NEDD4L: variants seen among roughly 807,000 people sequenced by gnomAD.
NEDD4L encodes E3 ubiquitin-protein ligase NEDD4-like.
In NEDD4L, 54 loss-of-function variants were observed where a neutral mutation model predicts 148.9. That is an observed-to-expected ratio of 0.36 (90% CI 0.29 to 0.45). NEDD4L has a LOEUF of 0.45. Among genes scored for constraint, NEDD4L ranks in the 20% least tolerant of loss-of-function variants. The probability of loss-of-function intolerance (pLI) is 1.00; values close to 1 mark genes in which losing one functional copy is unlikely to be tolerated. For synonymous variants in NEDD4L, 433 were observed against 440.7 expected, an observed-to-expected ratio of 0.98 and a Z score of 0.22; for missense variants, 856 against 1,233.8, an observed-to-expected ratio of 0.69 and a Z score of 4.59.
intron 5 of NEDD4L, among the ~76,000 whole-genome samples, chr18:58,257,515 C>T (rs1363978645): frequency 1.3e-5 from 2 of 152,062 alleles, no homozygotes; most frequent in African/African-American, 2.4e-5. Context: ...GGTCAGATGG[C>T]GTGGCGTGCA....
At chr18:58,052,212 T>C (rs2081904901) in intron 1 of NEDD4L, among the ~76,000 whole-genome samples, 1 of 152,232 alleles carries the variant, frequency 6.6e-6, no homozygotes, top group Admixed American at 6.5e-5. Context: ...TACTGGTGTT[T>C]GATTAGCAGA....
chr18:58,191,110 G>A (rs569038164), intron 2 of NEDD4L, among the ~76,000 whole-genome samples: 2 of 152,232 alleles, frequency 1.3e-5, no homozygotes, highest in South Asian at 4.1e-4. Flanking sequence ...GTGAGACTCT[G>A]TCTCTAAAAG....
intron 1 of NEDD4L, among the ~76,000 whole-genome samples, chr18:58,146,961 C>T (rs1418427143): frequency 1.3e-5 from 2 of 152,054 alleles, no homozygotes; most frequent in Admixed American, 6.6e-5. Context: ...GAGAAGGACA[C>T]GTGGGTAAGG....
chr18:58,059,323 C>T (rs2082222807), intron 1 of NEDD4L, among the ~76,000 whole-genome samples: 1 of 152,224 alleles, frequency 6.6e-6, no homozygotes, highest in South Asian at 2.1e-4. Context: ...CCTCTCTAGG[C>T]CCCAAGAAAG....
At chr18:58,174,791 T>C (rs192250703) in intron 2 of NEDD4L, among the ~76,000 whole-genome samples, 309 of 152,204 alleles carry the variant, frequency 2.0e-3, no homozygotes, top group Admixed American at 3.5e-3. Context: ...ACATTTTTTT[T>C]CCCCAGGTGA....
chr18:58,090,216 C>T (rs989548553), intron 1 of NEDD4L, among the ~76,000 whole-genome samples: 6 of 152,114 alleles, frequency 3.9e-5, no homozygotes, highest in Non-Finnish European at 8.8e-5. Flanking sequence ...TTTGGTGTTA[C>T]GGTCTTGCTT....
intron 1 of NEDD4L, among the ~76,000 whole-genome samples, chr18:58,101,147 A>G (rs17693604): frequency 0.094 from 14,244 of 152,242 alleles, 721 homozygotes; most frequent in Non-Finnish European, 0.11. Context: ...AAGTTTAGCA[A>G]TGGCTTCAAA....
chr18:58,201,539 T>C (rs915682568), intron 2 of NEDD4L, among the ~76,000 whole-genome samples: 2 of 152,172 alleles, frequency 1.3e-5, no homozygotes, highest in Admixed American at 6.5e-5. Context: ...GCATATACCA[T>C]CAGGGATGAC....
intron 1 of NEDD4L, among the ~76,000 whole-genome samples, chr18:58,086,356 G>A (rs2083757947): frequency 6.6e-6 from 1 of 152,240 alleles, no homozygotes; most frequent in African/African-American, 2.4e-5. Context: ...ACTAGCAGTA[G>A]TGGTTCCCTG....
At chr18:58,191,484 G>A (rs1052357328) in intron 2 of NEDD4L, among the ~76,000 whole-genome samples, 24 of 152,112 alleles carry the variant, frequency 1.6e-4, no homozygotes, top group African/African-American at 5.6e-4. Context: ...TATTTATTTG[G>A]GTTTTGCAGG....
intron 5 of NEDD4L, among the ~76,000 whole-genome samples, chr18:58,291,945 G>T (rs1352278388): frequency 6.6e-6 from 1 of 152,082 alleles, no homozygotes; most frequent in East Asian, 1.9e-4. Flanking sequence ...TCTTACCTGG[G>T]ATATCACCAG....
chr18:58,095,697 C>T (rs188185258), intron 1 of NEDD4L, among the ~76,000 whole-genome samples: 7 of 152,342 alleles, frequency 4.6e-5, no homozygotes, highest in Admixed American at 1.3e-4. Flanking sequence ...TAATCATTTC[C>T]ATAGTTTCTT....
At chr18:58,355,275 A>G (rs1568825110) in intron 18 of NEDD4L, among the ~76,000 whole-genome samples, 2 of 152,186 alleles carry the variant, frequency 1.3e-5, no homozygotes, top group Non-Finnish European at 2.9e-5. Flanking sequence ...TTGGTCCGGG[A>G]CCACCAGAGT....
chr18:58,265,334 C>G (rs2050069284), intron 5 of NEDD4L, among the ~76,000 whole-genome samples: 1 of 152,054 alleles, frequency 6.6e-6, no homozygotes, highest in Non-Finnish European at 1.5e-5. Context: ...CAATTCCTCT[C>G]TTTTCCATCA....
intron 10 of NEDD4L, 64 bp from the exon 11 acceptor site, chr18:58,330,674 T>C (rs956281414): frequency 4.6e-5 from 60 of 1,306,186 alleles, no homozygotes; most frequent in East Asian, 3.1e-4. Context: ...CATGGTTTCA[T>C]TGGGGAGCTG....
At chr18:58,099,932 G>A (rs2084650929) in intron 1 of NEDD4L, among the ~76,000 whole-genome samples, 2 of 152,088 alleles carry the variant, frequency 1.3e-5, no homozygotes, top group Admixed American at 1.3e-4. Flanking sequence ...TTGCTTTACA[G>A]AATAATCTGA....
intron 1 of NEDD4L, among the ~76,000 whole-genome samples, chr18:58,127,879 TATTA>T (rs1268394363): frequency 6.6e-6 from 1 of 151,846 alleles, no homozygotes; most frequent in Non-Finnish European, 1.5e-5. Flanking sequence ...TTTATTTATT[TATTA>T]TTTATTTTTT....
chr18:58,089,005 A>G (rs1379742973), intron 1 of NEDD4L, among the ~76,000 whole-genome samples: 1 of 152,146 alleles, frequency 6.6e-6, no homozygotes, highest in Non-Finnish European at 1.5e-5. Context: ...ACTCGCCTAC[A>G]GCTTCCAACC....
In NEDD4L at chr18:58,256,541, C is replaced by A. The variant is rs537368877; in HGVS notation, c.297+4487C>A. On this transcript the variant is annotated intron_variant, in intron 5 of 30. Coordinates refer to ENST00000400345, the MANE Select transcript of NEDD4L (RefSeq NM_001144967.3). The surrounding 1 kb of genome is among the most constrained non-coding windows in gnomAD (Gnocchi z 5.2). ...CGAGCGAGGGAGCCCCACGGAAGAT[C>A]GGGGAGCCCTGGAGGCATCGCCTCG... The A allele has an allele frequency of 1.5e-5, 18 of 1,232,184 alleles. No individual in the cohort carries two copies. In the African/African-American group the frequency reaches 2.2e-4, roughly 15 times the overall value. 76.3% of individuals were successfully genotyped at this position (1,232,184 alleles called of 1,614,324 possible).
Sources: gnomAD v4.1 joint callset for allele counts (sites outside exome capture counted in the v4.1 genomes callset) on GRCh38, gnomAD v4.1.1 for gene constraint, Gnocchi (gnomAD v3.1) non-coding constraint, MANE v1.5 for transcripts, NCBI Gene and HGNC (gene_info 2026-07-23, HGNC 2026-07-21) for gene names.